The following SGF29 variants were observed in gnomAD, a reference collection of about 807,000 sequenced individuals.
SGF29 encodes the protein SAGA complex associated factor 29, also known as SAGA-associated factor 29.
A neutral mutation model predicts 38.1 loss-of-function variants in SGF29; 15 were observed. The observed-to-expected ratio is 0.39, with a 90% CI of 0.26 to 0.61. The LOEUF (loss-of-function observed/expected upper bound fraction) is 0.61, where lower values mean the gene tolerates loss of function less well. Ranked by LOEUF, SGF29 falls within the 20% of genes least tolerant of loss-of-function variation. SGF29 has a pLI of 0.49. For synonymous variants in SGF29, 151 were observed against 160.8 expected (o/e 0.94, Z 0.46); for missense variants, 184 against 394.6 (o/e 0.47, Z 4.52).
intron 1 of SGF29, among the ~76,000 whole-genome samples, chr16:28,570,642 G>A (rs1397925335): frequency 6.6e-6 from 1 of 151,316 alleles, no homozygotes; most frequent in African/African-American, 2.4e-5. Flanking sequence ...GCACTGGTGG[G>A]ATCTCGGCTC....
intron 1 of SGF29, 138 bp downstream of exon 1, chr16:28,554,235 G>T (rs1295319237): frequency 1.3e-5 from 2 of 151,724 alleles, no homozygotes; most frequent in Non-Finnish European, 2.9e-5. Context: ...TGGGCGGGAG[G>T]GGGGCGGGGC....
At chr16:28,564,712 T>TAC (rs1567285968) in intron 1 of SGF29, among the ~76,000 whole-genome samples, 1 of 94,450 alleles carries the variant, frequency 1.1e-5, no homozygotes, top group Non-Finnish European at 2.2e-5. Context: ...TATATACATA[T>TAC]ATATGTATAT....
rs758666748 is a variant in SGF29, at chr16:28,584,924, G to A, written c.87G>A (p.Ser29=). ...TCTTTTCCTTACAGGAAGAGCGTTC[G>A]CGGAGCGAACACAACTTAGTGAACA... The part of the protein sequence containing the change: ...QLIKQTQEER[S]RSEHNLVNIQ... The change falls in exon 3 of 10, where the codon TCG becomes TCA. Residue 29 remains serine, a synonymous_variant. Coordinates refer to ENST00000317058, the MANE Select transcript of SGF29 (RefSeq NM_138414.3). The A allele has an allele frequency of 2.9e-5, 47 of 1,613,358 alleles. 2 individuals are homozygous for A. Among genetic ancestry groups the A allele is most frequent in the South Asian group, 2.6e-4 (24 of 91,068 alleles).
At chr16:28,568,588 G>A (rs948135030) in intron 1 of SGF29, among the ~76,000 whole-genome samples, 7 of 123,370 alleles carry the variant, frequency 5.7e-5, no homozygotes, top group Non-Finnish European at 1.3e-4. Context: ...TGATAATTAA[G>A]GGGTGGTTGG....
At position 28,591,509 on chromosome 16, in the gene SGF29, T is replaced by G. The variant is rs560423835; in HGVS notation, c.766-81T>G. On this transcript the variant is annotated intron_variant, in intron 9 of 9. Coordinates refer to ENST00000317058, the MANE Select transcript of SGF29 (RefSeq NM_138414.3). ...TGAGAGTCCACGGCCCAGAGCCTCC[T>G]GTGGTCTAGGCTGGGGGAAGGGGGT... The G allele has an allele frequency of 3.0e-5, 29 of 957,260 alleles. No homozygotes were observed. The East Asian group carries it at 6.2e-4, about 20-fold the overall frequency. 59.3% of individuals were successfully genotyped at this position (957,260 alleles called of 1,614,324 possible).
chr16:28,568,313 CA>C (rs148414167), intron 1 of SGF29, among the ~76,000 whole-genome samples: 142 of 54,286 alleles, frequency 2.6e-3, no homozygotes, highest in East Asian at 5.9e-3. Context: ...AACTCCATCT[CA>C]AAAAAAAAAA....
At chr16:28,576,780 A>G (rs1436673661) in intron 1 of SGF29, among the ~76,000 whole-genome samples, 1 of 152,216 alleles carries the variant, frequency 6.6e-6, no homozygotes, top group African/African-American at 2.4e-5. Flanking sequence ...AATAGCCAAA[A>G]AAATAGACGT....
chr16:28,585,512 T>C (rs1390465167), intron 3 of SGF29, 136 bp from the exon 4 acceptor site: 7 of 787,720 alleles, frequency 8.9e-6, no homozygotes, highest in Non-Finnish European at 1.5e-5. Flanking sequence ...TCAGGAGCAC[T>C]CCTGAGCCAG....
intron 1 of SGF29, among the ~76,000 whole-genome samples, chr16:28,562,903 C>G (rs1196924273): frequency 2.0e-5 from 1 of 50,892 alleles, no homozygotes. Context: ...GACCCTGTCT[C>G]AAAAAAAAAA....
chr16:28,577,074 A>C (rs12445744), intron 1 of SGF29, among the ~76,000 whole-genome samples: 47,672 of 151,988 alleles, frequency 0.31, 8,257 homozygotes, highest in Non-Finnish European at 0.37. Flanking sequence ...CTTGGGAGGC[A>C]GGAGAAACAC....
At chr16:28,575,343 T>A (rs568109928) in intron 1 of SGF29, among the ~76,000 whole-genome samples, 1 of 152,308 alleles carries the variant, frequency 6.6e-6, no homozygotes, top group East Asian at 1.9e-4. Context: ...GAAAAAGAAA[T>A]TGGTCTTCAT....
At chr16:28,564,671 A>G (rs1567285836) in intron 1 of SGF29, among the ~76,000 whole-genome samples, 1 of 95,214 alleles carries the variant, frequency 1.1e-5, no homozygotes, top group Non-Finnish European at 2.1e-5. Context: ...ATATGCATAT[A>G]TATGTATATA....
At chr16:28,564,526 T>TATATAC (rs1420440005) in intron 1 of SGF29, among the ~76,000 whole-genome samples, 289 of 117,988 alleles carry the variant, frequency 2.4e-3, no homozygotes, top group African/African-American at 8.3e-3. Context: ...TATATGTGTG[T>TATATAC]GTATATATAT....
intron 2 of SGF29, among the ~76,000 whole-genome samples, chr16:28,583,057 G>C (rs1364033602): frequency 6.6e-6 from 1 of 152,222 alleles, no homozygotes; most frequent in East Asian, 1.9e-4. Flanking sequence ...AGCTGCTGCC[G>C]AGTTCCCAGA....
chr16:28,558,239 G>A (rs1482778185), intron 1 of SGF29, among the ~76,000 whole-genome samples: 1 of 151,154 alleles, frequency 6.6e-6, no homozygotes, highest in Non-Finnish European at 1.5e-5. Flanking sequence ...CCAAGTAGCT[G>A]GGACTACAGG....
At chr16:28,568,183 G>A (rs374986712) in intron 1 of SGF29, among the ~76,000 whole-genome samples, 17 of 151,508 alleles carry the variant, frequency 1.1e-4, no homozygotes, top group African/African-American at 3.6e-4. Context: ...CATGGTGGTC[G>A]GCGCCTATAA....
intron 2 of SGF29, among the ~76,000 whole-genome samples, chr16:28,581,986 A>G (rs887222814): frequency 7.9e-5 from 12 of 151,600 alleles, no homozygotes; most frequent in African/African-American, 2.9e-4. Flanking sequence ...GGAGATGCGT[A>G]TTGGTGCCTG....
chr16:28,584,927 G>A lies in SGF29; in HGVS notation c.90G>A (p.Arg30=). 4 of 1,613,360 alleles carry A rather than the reference G, an allele frequency of 2.5e-6. No individual in the cohort carries two copies. Among genetic ancestry groups the A allele is most frequent in the Non-Finnish European group, 3.4e-6 (4 of 1,179,680 alleles). The change falls in exon 3 of 10, where the codon CGG becomes CGA. Residue 30 remains arginine, a synonymous_variant. Coordinates refer to ENST00000317058, the MANE Select transcript of SGF29 (RefSeq NM_138414.3). ...TTTCCTTACAGGAAGAGCGTTCGCG[G>A]AGCGAACACAACTTAGTGAACATCC... ...LIKQTQEERS[R]SEHNLVNIQK... is the part of the protein sequence containing the mutation.
rs374322977 is a variant in SGF29, at chr16:28,591,755, A to G, written c.*49A>G. On this transcript the variant is annotated 3_prime_UTR_variant, in exon 10 of 10. Transcript: ENST00000317058. ...CCCCAACGACACAGGGCAGGACAGCAGAGGACGTGCTGGGATTAAACACAT... is the reference window on the plus strand; with the variant it reads ...CCCCAACGACACAGGGCAGGACAGCGGAGGACGTGCTGGGATTAAACACAT... 6.9e-7 allele frequency: 1 copy of G among 1,456,080 alleles called. No homozygotes were observed. Among genetic ancestry groups the G allele is most frequent in the African/African-American group, 1.4e-5 (1 of 71,950 alleles). The allele number at this position is 1,456,080 out of a possible 1,614,324, so 90.2% of individuals were successfully genotyped here.
Sources: allele counts gnomAD v4.1 joint callset (sites outside exome capture counted in the v4.1 genomes callset), GRCh38; gene constraint gnomAD v4.1.1; transcripts MANE v1.5; gene names NCBI Gene and HGNC (gene_info 2026-07-23, HGNC 2026-07-21).